PCDH9: variants seen among roughly 807,000 people sequenced by gnomAD.
The protein encoded by PCDH9 is protocadherin-9.
Under a neutral mutation model 70.6 loss-of-function variants are expected in PCDH9, and 24 were observed. That is an observed-to-expected ratio of 0.34 (90% CI 0.25 to 0.48). PCDH9 has a LOEUF of 0.48. Among genes scored for constraint, PCDH9 ranks in the 20% least tolerant of loss-of-function variants. PCDH9 has a pLI of 0.99. For missense variants in PCDH9, 1,281 were observed against 1,503.6 expected (o/e 0.85, Z 2.45); for synonymous variants, 562 against 558.5 (o/e 1.01, Z -0.09).
At chr13:66,402,551 T>A (rs1481844633) in intron 4 of PCDH9, among the ~76,000 whole-genome samples, 2 of 152,246 alleles carry the variant, frequency 1.3e-5, no homozygotes, top group Admixed American at 1.3e-4. Context: ...ACAATCTGAT[T>A]GTTGATTGGC....
intron 2 of PCDH9, among the ~76,000 whole-genome samples, chr13:66,939,861 T>G (rs779521672): frequency 6.6e-5 from 10 of 152,314 alleles, no homozygotes; most frequent in Non-Finnish European, 1.5e-4. Flanking sequence ...TCTAGAGCTG[T>G]GTATCAACAT....
chr13:66,934,408 G>A (rs1451126252), intron 2 of PCDH9, among the ~76,000 whole-genome samples: 4 of 151,726 alleles, frequency 2.6e-5, no homozygotes, highest in South Asian at 2.1e-4. Context: ...GGGTGTGGTG[G>A]CGAGTGCCTG....
At chr13:66,499,825 T>A (rs1373822916) in intron 4 of PCDH9, among the ~76,000 whole-genome samples, 1 of 152,210 alleles carries the variant, frequency 6.6e-6, no homozygotes, top group Non-Finnish European at 1.5e-5. Flanking sequence ...TAGTGCCATC[T>A]CACAGGTAAT....
At chr13:66,423,901 T>G (rs7330465) in intron 4 of PCDH9, among the ~76,000 whole-genome samples, 59,928 of 151,986 alleles carry the variant, frequency 0.39, 12,484 homozygotes, top group South Asian at 0.54. Flanking sequence ...TGTTTGCAGA[T>G]GATATGATTG....
intron 4 of PCDH9, among the ~76,000 whole-genome samples, chr13:66,609,840 G>A (rs1234681006): frequency 3.3e-5 from 5 of 151,448 alleles, no homozygotes; most frequent in Non-Finnish European, 5.9e-5. Context: ...ATATACACAA[G>A]TCTTTTTCCA....
intron 4 of PCDH9, among the ~76,000 whole-genome samples, chr13:66,505,155 G>A (rs1959198213): frequency 6.6e-6 from 1 of 151,890 alleles, no homozygotes; most frequent in South Asian, 2.1e-4. Context: ...TATTCTTCAA[G>A]GCCTATTACT....
chr13:66,829,480 G>T (rs1472341350), intron 3 of PCDH9, among the ~76,000 whole-genome samples: 1 of 151,932 alleles, frequency 6.6e-6, no homozygotes, highest in African/African-American at 2.4e-5. Context: ...TGGAACTGGA[G>T]AAAATTATTG....
chr13:67,185,432 G>A (rs988965405), intron 2 of PCDH9, among the ~76,000 whole-genome samples: 10 of 152,154 alleles, frequency 6.6e-5, no homozygotes, highest in Non-Finnish European at 1.5e-4. Flanking sequence ...ATTTTAAAAT[G>A]TAGGGCTGTA....
chr13:66,616,948 A>G (rs190705312), intron 4 of PCDH9, among the ~76,000 whole-genome samples: 15 of 152,278 alleles, frequency 9.9e-5, no homozygotes, highest in East Asian at 9.7e-4. Flanking sequence ...AACTGCATCT[A>G]AGGAATCCAG....
At chr13:66,560,897 G>C (rs949175576) in intron 4 of PCDH9, among the ~76,000 whole-genome samples, 2 of 152,132 alleles carry the variant, frequency 1.3e-5, no homozygotes, top group African/African-American at 4.8e-5. Context: ...AGGTGACAGC[G>C]TGCTAGCAGT....
At chr13:66,322,032 T>C (rs1355615861) in intron 4 of PCDH9, among the ~76,000 whole-genome samples, 2 of 148,296 alleles carry the variant, frequency 1.3e-5, no homozygotes, top group African/African-American at 5.1e-5. Flanking sequence ...GACAGAGCCA[T>C]ACATTGTATA....
chr13:67,140,025 ACCCCCCCCCCCCCGCCCAT>A (rs2087336834), intron 2 of PCDH9, among the ~76,000 whole-genome samples: 1 of 65,938 alleles, frequency 1.5e-5, no homozygotes, highest in Admixed American at 2.2e-4. Flanking sequence ...TTTTTTGATC[ACCCCCCCCCCCCCGCCCAT>A]TGTGTTATTT....
chr13:66,770,856 A>T (rs1365252868), intron 3 of PCDH9, among the ~76,000 whole-genome samples: 1 of 152,172 alleles, frequency 6.6e-6, no homozygotes, highest in East Asian at 1.9e-4. Context: ...CATTTCAAAA[A>T]CACAAATATG....
rs1009558231 is a variant in PCDH9 at position 66,745,841 on chromosome 13, G to A, written c.3139-114430C>T. On this transcript the variant is annotated intron_variant, in intron 3 of 4. Transcript: ENST00000377865. ...GGTGAGTGGCTAGTGTTTAGCTGTC[G>A]GATTAATTATCACAGCAAGATATGA... Among the ~76,000 whole-genome samples, 12 of 152,068 alleles carry A rather than the reference G, an allele frequency of 7.9e-5. No homozygotes were observed. In the East Asian group the frequency reaches 1.4e-3, roughly 17 times the overall value.
intron 2 of PCDH9, among the ~76,000 whole-genome samples, chr13:66,966,272 T>C (rs1031266654): frequency 2.0e-4 from 30 of 152,124 alleles, no homozygotes; most frequent in African/African-American, 6.8e-4. Flanking sequence ...ACCAAACTTG[T>C]TGTTTAAGTT....
chr13:66,956,083 C>G (rs1472231507), intron 2 of PCDH9, among the ~76,000 whole-genome samples: 2 of 152,126 alleles, frequency 1.3e-5, no homozygotes, highest in Middle Eastern at 3.4e-3. Context: ...GAAACTCCAT[C>G]TCAAAAAAAT....
At chr13:66,739,153 C>T (rs1385189875) in intron 3 of PCDH9, among the ~76,000 whole-genome samples, 1 of 145,074 alleles carries the variant, frequency 6.9e-6, no homozygotes, top group African/African-American at 2.6e-5. Context: ...TCGGCAGAAA[C>T]CCTACAAGCT....
intron 2 of PCDH9, among the ~76,000 whole-genome samples, chr13:66,960,528 T>A (rs1172787704): frequency 6.6e-6 from 1 of 152,186 alleles, no homozygotes; most frequent in Non-Finnish European, 1.5e-5. Flanking sequence ...TTAATTAAAT[T>A]CTGCCCAAGA....
chr13:66,380,835 G>A (rs193165871), intron 4 of PCDH9, among the ~76,000 whole-genome samples: 1 of 152,102 alleles, frequency 6.6e-6, no homozygotes, highest in South Asian at 2.1e-4. Context: ...GAGCCACCGC[G>A]CCAGCCAGAT....
Sources: gnomAD v4.1 joint callset for allele counts (sites outside exome capture counted in the v4.1 genomes callset) on GRCh38, gnomAD v4.1.1 for gene constraint, MANE v1.5 for transcripts, NCBI Gene and HGNC (gene_info 2026-07-23, HGNC 2026-07-21) for gene names.